Variants in FBXL17 observed in about 807,000 individuals in gnomAD.
FBXL17 encodes the protein F-box and leucine rich repeat protein 17, also known as F-box/LRR-repeat protein 17.
Under a neutral mutation model 66.2 loss-of-function variants are expected in FBXL17, and 22 were observed. The ratio of observed to expected loss-of-function variants is 0.33; its 90% CI spans 0.24 to 0.47. FBXL17 has a LOEUF of 0.47. FBXL17 is among the 20% of genes least tolerant of loss of function. FBXL17 has a pLI of 1.00. For synonymous variants in FBXL17, 474 were observed against 400.5 expected (o/e 1.18, Z -2.19); for missense variants, 878 against 948.2 (o/e 0.93, Z 0.97).
chr5:107,948,984 G>A (rs1036212), intron 7 of FBXL17, among the ~76,000 whole-genome samples: 123,365 of 152,120 alleles, frequency 0.81, 50,820 homozygotes, highest in Middle Eastern at 0.87. Context: ...CTCAACCTTT[G>A]TCTTTTTCTC....
intron 6 of FBXL17, among the ~76,000 whole-genome samples, chr5:108,035,307 A>G (rs111464214): frequency 0.013 from 2,045 of 152,336 alleles, 49 homozygotes; most frequent in African/African-American, 0.047. Context: ...AATGCCAAAC[A>G]TTAATTATAA....
chr5:107,871,832 A>G (rs543983160), intron 8 of FBXL17, among the ~76,000 whole-genome samples: 1 of 152,278 alleles, frequency 6.6e-6, no homozygotes, highest in Non-Finnish European at 1.5e-5. Flanking sequence ...CAATGTATTT[A>G]TGGAACACAT....
chr5:108,289,324 T>A (rs76143505), intron 4 of FBXL17, among the ~76,000 whole-genome samples: 28 of 152,310 alleles, frequency 1.8e-4, no homozygotes, highest in African/African-American at 6.5e-4. Flanking sequence ...TGTTAAGACG[T>A]TCCTTGAATT....
intron 6 of FBXL17, among the ~76,000 whole-genome samples, chr5:108,140,258 CT>C (rs1162339962): frequency 6.6e-6 from 1 of 152,164 alleles, no homozygotes; most frequent in Non-Finnish European, 1.5e-5. Flanking sequence ...GTTGCCCAGG[CT>C]GGCCTCCAAC....
intron 6 of FBXL17, among the ~76,000 whole-genome samples, chr5:108,101,997 C>T (rs1749619760): frequency 6.6e-6 from 1 of 152,178 alleles, no homozygotes; most frequent in Non-Finnish European, 1.5e-5. Flanking sequence ...GGTGGCTGCA[C>T]TCCAGGACTA....
intron 4 of FBXL17, among the ~76,000 whole-genome samples, chr5:108,288,377 A>T (rs1757983389): frequency 1.3e-5 from 2 of 152,076 alleles, no homozygotes; most frequent in Admixed American, 1.3e-4. Context: ...ATTGAAAAAA[A>T]TGGGACCAAC....
At chr5:108,371,492 T>G (rs527498825) in intron 1 of FBXL17, among the ~76,000 whole-genome samples, 108 of 152,210 alleles carry the variant, frequency 7.1e-4, no homozygotes, top group African/African-American at 2.6e-3. Flanking sequence ...AAACTGGCAG[T>G]GGATTTGGCC....
chr5:108,090,610 G>C (rs181281254), intron 6 of FBXL17, among the ~76,000 whole-genome samples: 84 of 152,266 alleles, frequency 5.5e-4, no homozygotes, highest in Middle Eastern at 3.4e-3. Context: ...ACATGGGTGT[G>C]TTCCAATAAA....
chr5:108,355,698 A>G (rs1747943553), intron 3 of FBXL17, among the ~76,000 whole-genome samples: 2 of 152,194 alleles, frequency 1.3e-5, no homozygotes. Flanking sequence ...CAGGATAACC[A>G]CTTTAAAAAG....
intron 4 of FBXL17, among the ~76,000 whole-genome samples, chr5:108,346,512 T>A (rs138670315): frequency 1.2e-4 from 18 of 152,146 alleles, no homozygotes; most frequent in African/African-American, 4.3e-4. Context: ...TATTTCTTTA[T>A]GTTTACTCAA....
Position 107,861,477 on chromosome 5 carries a change from G to T in FBXL17, c.*243C>A. On this transcript the variant is annotated 3_prime_UTR_variant, in exon 9 of 9. Transcript: ENST00000542267. ...TTTTAAAGAGAAAGAAGCCTTTGAA[G>T]TTAAAAACTAAAAAGTTTGTGGCTT... is the stretch of plus-strand genomic sequence containing the variant. 1 of 317,780 alleles carries T rather than the reference G, an allele frequency of 3.1e-6. No individual in the cohort carries two copies. Among genetic ancestry groups the T allele is most frequent in the Non-Finnish European group, 5.6e-6 (1 of 177,592 alleles). 19.7% of individuals were successfully genotyped at this position (317,780 alleles called of 1,614,324 possible).
chr5:108,367,550 G>C (rs1748744336), intron 2 of FBXL17, among the ~76,000 whole-genome samples: 1 of 151,902 alleles, frequency 6.6e-6, no homozygotes, highest in Non-Finnish European at 1.5e-5. Context: ...ATCCCCCACA[G>C]AAAGAAGTTT....
intron 7 of FBXL17, among the ~76,000 whole-genome samples, chr5:107,948,760 C>G (rs1309519942): frequency 1.3e-5 from 2 of 152,276 alleles, no homozygotes; most frequent in East Asian, 3.9e-4. Context: ...AGTTATAGGA[C>G]CTCTCTTTAC....
At chr5:107,998,113 T>A (rs1753555378) in intron 7 of FBXL17, among the ~76,000 whole-genome samples, 1 of 152,150 alleles carries the variant, frequency 6.6e-6, no homozygotes, top group African/African-American at 2.4e-5. Flanking sequence ...ATGTAAAACA[T>A]TTCATTAGTA....
intron 6 of FBXL17, among the ~76,000 whole-genome samples, chr5:108,078,748 C>CCATTACTTGTTTTTGGATCA (rs1748649327): frequency 6.6e-6 from 1 of 152,164 alleles, no homozygotes; most frequent in African/African-American, 2.4e-5. Flanking sequence ...TGATTTATCA[C>CCATTACTTGTTTTTGGATCA]CATTACTTGT....
chr5:107,950,621 G>T (rs73202580), intron 7 of FBXL17, among the ~76,000 whole-genome samples: 1,817 of 152,200 alleles, frequency 0.012, 35 homozygotes, highest in African/African-American at 0.041. Flanking sequence ...GGTCTCATCT[G>T]GCACAATTTT....
intron 4 of FBXL17, among the ~76,000 whole-genome samples, chr5:108,345,069 T>C (rs762417245): frequency 6.6e-6 from 1 of 152,140 alleles, no homozygotes; most frequent in Non-Finnish European, 1.5e-5. Flanking sequence ...GCACGGTGGC[T>C]CACACCTGTA....
chr5:107,864,364 G>A (rs1462929456), intron 8 of FBXL17, among the ~76,000 whole-genome samples: 1 of 152,108 alleles, frequency 6.6e-6, no homozygotes, highest in African/African-American at 2.4e-5. Context: ...CACCAAGCAA[G>A]GAATAACTTT....
chr5:107,964,377 T>C (rs977706746), intron 7 of FBXL17, among the ~76,000 whole-genome samples: 4 of 151,996 alleles, frequency 2.6e-5, no homozygotes, highest in Non-Finnish European at 5.9e-5. Flanking sequence ...AAACTTATTA[T>C]TTAGAGAATA....
Sources: gnomAD v4.1 joint callset for allele counts (sites outside exome capture counted in the v4.1 genomes callset) on GRCh38, gnomAD v4.1.1 for gene constraint, MANE v1.5 for transcripts, NCBI Gene and HGNC (gene_info 2026-07-23, HGNC 2026-07-21) for gene names.